Variants in ATP11B observed in about 807,000 individuals in gnomAD.
The protein encoded by ATP11B is phospholipid-transporting ATPase IF.
Under a neutral mutation model 157.8 loss-of-function variants are expected in ATP11B, and 81 were observed. The ratio of observed to expected loss-of-function variants is 0.51; its 90% CI spans 0.43 to 0.62. ATP11B has a LOEUF of 0.62. Ranked by LOEUF, ATP11B falls within the 20% of genes least tolerant of loss-of-function variation. The pLI, the probability that ATP11B is intolerant of heterozygous loss-of-function variation, is 0.00. For synonymous variants in ATP11B, 451 were observed against 469.4 expected, an observed-to-expected ratio of 0.96 and a Z score of 0.51; for missense variants, 1,165 against 1,402.2, an observed-to-expected ratio of 0.83 and a Z score of 2.70.
intron 11 of ATP11B, among the ~76,000 whole-genome samples, chr3:182,858,840 TATTATA>T (rs1355174877): frequency 2.0e-5 from 3 of 152,176 alleles, no homozygotes; most frequent in African/African-American, 7.2e-5. Context: ...ACACTGCAGA[TATTATA>T]ATTATAATTT....
At chr3:182,893,365 A>G (rs1303661416) in intron 25 of ATP11B, among the ~76,000 whole-genome samples, 1 of 152,042 alleles carries the variant, frequency 6.6e-6, no homozygotes, top group Non-Finnish European at 1.5e-5. Context: ...CCTGAGCCCC[A>G]AAAGTTCATT....
intron 1 of ATP11B, among the ~76,000 whole-genome samples, chr3:182,801,130 A>G (rs900428816): frequency 3.9e-5 from 6 of 152,168 alleles, no homozygotes; most frequent in African/African-American, 1.4e-4. Context: ...CATGTAGTTT[A>G]TCCTCCTTAA....
In ATP11B at chr3:182,845,470, G is replaced by A. The variant is rs142938523; in HGVS notation, c.717G>A (p.Pro239=). The A allele has an allele frequency of 6.5e-5, 104 of 1,598,718 alleles. No homozygotes were observed. The highest frequency in any genetic ancestry group is 1.8e-4 in the African/African-American group (13 of 73,562). Residue 239 remains proline, a synonymous_variant, in exon 9 of 30, where the codon CCG becomes CCA. Transcript: ENST00000323116. ...CTTTTTTTCCTAGACCTCTGGGGCC[G>A]GAGAGTCTCCTGCTTCGTGGAGCCA... ...QMEEIVRPLG[P]ESLLLRGARL...
intron 1 of ATP11B, among the ~76,000 whole-genome samples, chr3:182,812,512 T>G (rs958892643): frequency 6.6e-6 from 1 of 152,240 alleles, no homozygotes; most frequent in African/African-American, 2.4e-5. Context: ...CTAAAACCTG[T>G]GATCTTTAAA....
chr3:182,855,886 C>T (rs1485719115), intron 10 of ATP11B, among the ~76,000 whole-genome samples: 1 of 151,972 alleles, frequency 6.6e-6, no homozygotes, highest in Non-Finnish European at 1.5e-5. Context: ...GTGATAATAC[C>T]AAATGGCTAG....
intron 1 of ATP11B, among the ~76,000 whole-genome samples, chr3:182,802,695 A>G (rs1205707055): frequency 6.6e-6 from 1 of 151,884 alleles, no homozygotes; most frequent in Non-Finnish European, 1.5e-5. Context: ...CCTCCCCATT[A>G]CTTCCCTGTT....
At chr3:182,869,354 T>TA in intron 17 of ATP11B, 23 bp downstream of exon 17, 4 of 1,331,338 alleles carry the variant, frequency 3.0e-6, no homozygotes, top group Non-Finnish European at 4.2e-6. Context: ...TTCTATGATT[T>TA]AAAAAACTCT....
At chr3:182,836,605 A>G (rs1404688353) in intron 6 of ATP11B, 135 bp downstream of exon 6, 1 of 1,062,912 alleles carries the variant, frequency 9.4e-7, no homozygotes, top group Non-Finnish European at 1.3e-6. Flanking sequence ...TTTCAAAAAT[A>G]AAAAGGTTTT....
At chr3:182,838,162 T>C (rs1718701532) in intron 7 of ATP11B, among the ~76,000 whole-genome samples, 1 of 152,080 alleles carries the variant, frequency 6.6e-6, no homozygotes, top group Non-Finnish European at 1.5e-5. Context: ...ATTGTATACT[T>C]TCATCAAAGT....
intron 28 of ATP11B, among the ~76,000 whole-genome samples, chr3:182,913,517 A>G (rs1043840433): frequency 1.3e-5 from 2 of 152,266 alleles, no homozygotes; most frequent in African/African-American, 4.8e-5. Flanking sequence ...GAAAAACTCC[A>G]TGCAGAATTG....
At chr3:182,838,079 T>A (rs1257280916) in intron 7 of ATP11B, among the ~76,000 whole-genome samples, 3 of 152,122 alleles carry the variant, frequency 2.0e-5, no homozygotes, top group Non-Finnish European at 4.4e-5. Context: ...AGCCGTTGGC[T>A]TTTCCAAACT....
chr3:182,898,774 T>G lies in ATP11B; in HGVS notation c.3318+2T>G. 6.7e-7 allele frequency: 1 copy of G among 1,500,630 alleles called. No individual in the cohort carries two copies. Among genetic ancestry groups the G allele is most frequent in the Non-Finnish European group, 8.9e-7 (1 of 1,125,680 alleles). 93.0% of individuals were successfully genotyped at this position (1,500,630 alleles called of 1,614,324 possible). A position where few individuals can be genotyped will look rare whatever the true frequency, so the allele number is the denominator to read the frequency against. ...CCTACAAGTACTGAAAAGGCACAGG[T>G]AACCACTTTTTATAATAAATTCAAT... On this transcript the variant is annotated splice_donor_variant, in intron 28 of 29. Coordinates refer to ENST00000323116, the MANE Select transcript of ATP11B (RefSeq NM_014616.3). LOFTEE classifies it high-confidence loss of function.
At chr3:182,906,015 T>G in intron 28 of ATP11B, 2 of 354,152 alleles carry the variant, frequency 5.6e-6, no homozygotes, top group East Asian at 1.5e-4. Flanking sequence ...TTCCATTTCT[T>G]TACTAATTCC....
intron 1 of ATP11B, among the ~76,000 whole-genome samples, chr3:182,819,217 C>G (rs886637304): frequency 6.6e-6 from 1 of 151,780 alleles, no homozygotes; most frequent in Admixed American, 6.6e-5. Flanking sequence ...TACAGGCGCC[C>G]GCCACCACGC....
chr3:182,882,532 C>T (rs893562073), intron 21 of ATP11B, among the ~76,000 whole-genome samples: 6 of 151,742 alleles, frequency 4.0e-5, no homozygotes, highest in Middle Eastern at 3.4e-3. Context: ...AGTTGAGTCT[C>T]TTTCTATTAT....
chr3:182,810,499 A>G (rs895791863), intron 1 of ATP11B, among the ~76,000 whole-genome samples: 2 of 151,378 alleles, frequency 1.3e-5, no homozygotes, highest in African/African-American at 4.9e-5. Flanking sequence ...TTCGAAGCAT[A>G]TTTCCCAGGT....
At chr3:182,864,783 G>T (rs73050688) in intron 12 of ATP11B, among the ~76,000 whole-genome samples, 3 of 151,752 alleles carry the variant, frequency 2.0e-5, no homozygotes, top group Non-Finnish European at 4.4e-5. Flanking sequence ...GATCCTGGTT[G>T]GATCAAGACT....
At chr3:182,865,731 T>C in intron 13 of ATP11B, 33 bp downstream of exon 13, 2 of 1,542,838 alleles carry the variant, frequency 1.3e-6, no homozygotes, top group East Asian at 2.4e-5. Context: ...AATAAGGGTT[T>C]CATATGAAAT....
chr3:182,898,558 T>G, intron 27 of ATP11B, 49 bp from the exon 28 acceptor site: 1 of 1,507,834 alleles, frequency 6.6e-7, no homozygotes, highest in Non-Finnish European at 9.0e-7. Context: ...TGTCCTGATT[T>G]AAGTCTTTCA....
Sources: allele counts gnomAD v4.1 joint callset (sites outside exome capture counted in the v4.1 genomes callset), GRCh38; gene constraint gnomAD v4.1.1; transcripts MANE v1.5; gene names NCBI Gene and HGNC (gene_info 2026-07-23, HGNC 2026-07-21).